Variants in SRGAP1 observed in about 807,000 individuals in gnomAD.
SRGAP1 encodes the protein SLIT-ROBO Rho GTPase activating protein 1.
Under a neutral mutation model 121.9 loss-of-function variants are expected in SRGAP1, and 43 were observed. The ratio of observed to expected loss-of-function variants is 0.35; its 90% CI spans 0.28 to 0.46. SRGAP1 has a LOEUF of 0.46. Among genes scored for constraint, SRGAP1 ranks in the 20% least tolerant of loss-of-function variants. SRGAP1 has a pLI of 1.00. For synonymous variants in SRGAP1, 447 were observed against 485.4 expected, an observed-to-expected ratio of 0.92 and a Z score of 1.04; for missense variants, 1,102 against 1,350.9, an observed-to-expected ratio of 0.82 and a Z score of 2.89.
In SRGAP1 at chr12:64,128,122, C is replaced by T; in HGVS notation, c.2802C>T (p.Pro934=). The change falls in exon 21 of 22, where the codon CCC becomes CCT. Residue 934 remains proline, a synonymous_variant. Coordinates refer to ENST00000355086, the MANE Select transcript of SRGAP1 (RefSeq NM_020762.4). The part of the protein sequence containing the change: ...HDSLKKIDSP[P]IRRSTSSGQY... ...CCCTCAAGAAGATCGACAGCCCTCC[C>T]ATTAGAAGGTCCACGTCATCAGGGC... 1 of 1,614,158 alleles carries T rather than the reference C, an allele frequency of 6.2e-7. No individual in the cohort carries two copies. The highest frequency in any genetic ancestry group is 8.5e-7 in the Non-Finnish European group (1 of 1,180,032).
chr12:63,956,203 A>T (rs1166012732), intron 1 of SRGAP1, among the ~76,000 whole-genome samples: 3 of 152,136 alleles, frequency 2.0e-5, no homozygotes, highest in African/African-American at 7.2e-5. Flanking sequence ...GTACAAAATT[A>T]CTGGCTGGTC....
chr12:63,926,596 A>C (rs911169494), intron 1 of SRGAP1, among the ~76,000 whole-genome samples: 9 of 152,208 alleles, frequency 5.9e-5, no homozygotes, highest in African/African-American at 2.2e-4. Context: ...GTATACATTC[A>C]TGGGGTACAA....
intron 6 of SRGAP1, among the ~76,000 whole-genome samples, chr12:64,053,747 C>T (rs549009559): frequency 6.6e-5 from 10 of 152,066 alleles, no homozygotes; most frequent in East Asian, 5.8e-4. Flanking sequence ...TAATTATTAT[C>T]CCCAATATTA....
At chr12:64,138,044 A>G (rs2036887184) in intron 21 of SRGAP1, among the ~76,000 whole-genome samples, 1 of 151,766 alleles carries the variant, frequency 6.6e-6, no homozygotes, top group Non-Finnish European at 1.5e-5. Context: ...AAGTATATTC[A>G]CATTGTTGTG....
chr12:64,147,755 A>G lies in SRGAP1; in HGVS notation c.*5083A>G, dbSNP rs1364917475. ...ATGTATAGTACTGTACATTTTTGGC[A>G]TGTACCATTACAGGCTTCAGTATAC... On this transcript the variant is annotated 3_prime_UTR_variant, in exon 22 of 22. Transcript: ENST00000355086. 1.0e-5 allele frequency: 4 copies of G among 398,054 alleles called. No individual in the cohort carries two copies. Among genetic ancestry groups the G allele is most frequent in the Middle Eastern group, 6.2e-4 (1 of 1,612 alleles). The allele number at this position is 398,054 out of a possible 1,614,324, so 24.7% of individuals were successfully genotyped here.
At chr12:64,050,781 G>A (rs7967022) in intron 6 of SRGAP1, among the ~76,000 whole-genome samples, 4,366 of 152,228 alleles carry the variant, frequency 0.029, 225 homozygotes, top group African/African-American at 0.1. Context: ...CTGGAGTGCA[G>A]TGGTGCAATC....
At chr12:63,928,805 A>C (rs2031357704) in intron 1 of SRGAP1, among the ~76,000 whole-genome samples, 1 of 152,198 alleles carries the variant, frequency 6.6e-6, no homozygotes, top group Non-Finnish European at 1.5e-5. Flanking sequence ...ACAGGAGATG[A>C]GGACAGATCA....
chr12:63,909,181 C>T (rs1448402314), intron 1 of SRGAP1, among the ~76,000 whole-genome samples: 1 of 152,214 alleles, frequency 6.6e-6, no homozygotes, highest in Non-Finnish European at 1.5e-5. Context: ...AGCCACCACG[C>T]CGGGCCTACA....
chr12:64,133,615 A>G (rs2036817612), intron 21 of SRGAP1, among the ~76,000 whole-genome samples: 1 of 152,186 alleles, frequency 6.6e-6, no homozygotes, highest in African/African-American at 2.4e-5. Flanking sequence ...AGGATGGGAT[A>G]AAGATTCACT....
At chr12:64,005,985 T>G (rs74097508) in intron 3 of SRGAP1, among the ~76,000 whole-genome samples, 2,229 of 152,246 alleles carry the variant, frequency 0.015, 61 homozygotes, top group African/African-American at 0.051. Context: ...GGTACCCCCA[T>G]AGGAACTTAG....
chr12:63,868,604 T>G (rs1049691941), intron 1 of SRGAP1, among the ~76,000 whole-genome samples: 5 of 152,090 alleles, frequency 3.3e-5, no homozygotes, highest in Non-Finnish European at 7.4e-5. Flanking sequence ...TCAAGCGATA[T>G]GCCAGCCTTG....
At chr12:63,959,000 A>ATTGAACATC (rs973591645) in intron 1 of SRGAP1, among the ~76,000 whole-genome samples, 15 of 152,314 alleles carry the variant, frequency 9.8e-5, no homozygotes, top group African/African-American at 3.4e-4. Flanking sequence ...TGTACATTAG[A>ATTGAACATC]TTGAACATCT....
chr12:64,109,136 A>G, intron 16 of SRGAP1, 99 bp downstream of exon 16: 1 of 740,036 alleles, frequency 1.4e-6, no homozygotes, highest in Non-Finnish European at 2.0e-6. Flanking sequence ...CAGCAGAGTC[A>G]AAGAGAAAAA....
At chr12:64,006,193 G>T (rs1256990448) in intron 3 of SRGAP1, among the ~76,000 whole-genome samples, 1 of 152,164 alleles carries the variant, frequency 6.6e-6, no homozygotes, top group Non-Finnish European at 1.5e-5. Context: ...ACTGGGGGAA[G>T]TACATTCTTC....
chr12:63,852,177 C>T (rs138469465), intron 1 of SRGAP1, among the ~76,000 whole-genome samples: 36 of 152,050 alleles, frequency 2.4e-4, no homozygotes, highest in East Asian at 1.2e-3. Context: ...TTTGTAGAGA[C>T]GGGTTTTGGC....
chr12:64,080,115 C>T (rs965472886), intron 9 of SRGAP1, among the ~76,000 whole-genome samples, 171 bp from the exon 10 acceptor site: 1 of 151,670 alleles, frequency 6.6e-6, no homozygotes, highest in Non-Finnish European at 1.5e-5. Context: ...TGGTGGCGGG[C>T]GCTTATAATC....
intron 1 of SRGAP1, among the ~76,000 whole-genome samples, chr12:63,974,031 T>C (rs949292738): frequency 6.6e-6 from 1 of 152,192 alleles, no homozygotes; most frequent in African/African-American, 2.4e-5. Context: ...GTAGTAAAAA[T>C]CAATCTACTA....
intron 1 of SRGAP1, among the ~76,000 whole-genome samples, chr12:63,951,090 C>A (rs1449330278): frequency 2.7e-5 from 4 of 149,464 alleles, no homozygotes; most frequent in African/African-American, 9.9e-5. Flanking sequence ...ATCTGAGTAC[C>A]TGACACATAG....
chr12:63,867,444 T>C (rs1404108186), intron 1 of SRGAP1, among the ~76,000 whole-genome samples: 1 of 152,220 alleles, frequency 6.6e-6, no homozygotes, highest in East Asian at 1.9e-4. Context: ...TCTGTACTTT[T>C]ATCTGCATCA....
Sources: gnomAD v4.1 joint callset for allele counts (sites outside exome capture counted in the v4.1 genomes callset) on GRCh38, gnomAD v4.1.1 for gene constraint, MANE v1.5 for transcripts, NCBI Gene and HGNC (gene_info 2026-07-23, HGNC 2026-07-21) for gene names.